Variants in RBFOX3 observed in about 807,000 individuals in gnomAD.
RBFOX3 encodes the protein RNA binding fox-1 homolog 3.
Under a neutral mutation model 48.7 loss-of-function variants are expected in RBFOX3, and 17 were observed. The ratio of observed to expected loss-of-function variants is 0.35; its 90% CI spans 0.24 to 0.52. The LOEUF (loss-of-function observed/expected upper bound fraction) is 0.52. RBFOX3 is among the 20% of genes least tolerant of loss of function. RBFOX3 has a pLI of 0.94. For missense variants in RBFOX3, 382 were observed against 497.5 expected, an observed-to-expected ratio of 0.77 and a Z score of 2.21; for synonymous variants, 212 against 209.5, an observed-to-expected ratio of 1.01 and a Z score of -0.10.
intron 2 of RBFOX3, among the ~76,000 whole-genome samples, chr17:79,320,487 G>C (rs2078347521): frequency 6.6e-6 from 1 of 152,246 alleles, no homozygotes; most frequent in African/African-American, 2.4e-5. Context: ...TTTTGGTTCT[G>C]TGAGGATCAG....
At chr17:79,145,030 G>T (rs910882882) in intron 4 of RBFOX3, among the ~76,000 whole-genome samples, 2 of 152,218 alleles carry the variant, frequency 1.3e-5, no homozygotes, top group South Asian at 2.1e-4. Context: ...TCTCAGCAGG[G>T]ACTGGCACTG....
At chr17:79,491,781 T>A (rs2080704463) in intron 1 of RBFOX3, among the ~76,000 whole-genome samples, 2 of 152,114 alleles carry the variant, frequency 1.3e-5, no homozygotes, top group African/African-American at 4.8e-5. Flanking sequence ...CCTTTTCCTA[T>A]GTTAAAAATG....
chr17:79,651,333 G>C, the RBFOX3 span, among the ~76,000 whole-genome samples: 1 of 152,194 alleles, frequency 6.6e-6, no homozygotes, highest in Non-Finnish European at 1.5e-5. Flanking sequence ...GGGAAAGACA[G>C]ACAGCGCCAG....
chr17:79,377,519 C>A (rs1270528200), intron 2 of RBFOX3, among the ~76,000 whole-genome samples: 6 of 152,230 alleles, frequency 3.9e-5, no homozygotes, highest in Non-Finnish European at 8.8e-5. Context: ...ATCCTCCTGA[C>A]AGCTCCATCG....
intron 4 of RBFOX3, among the ~76,000 whole-genome samples, chr17:79,153,396 T>A (rs577855907): frequency 6.6e-6 from 1 of 152,346 alleles, no homozygotes; most frequent in East Asian, 1.9e-4. Context: ...TAGAAAATTC[T>A]CTCCACGAGA....
intron 3 of RBFOX3, among the ~76,000 whole-genome samples, chr17:79,306,799 C>T (rs1052616371): frequency 3.9e-5 from 6 of 152,230 alleles, no homozygotes; most frequent in East Asian, 1.9e-4. Flanking sequence ...CCCAGCTCCA[C>T]GGGCACCTGG....
In RBFOX3 at chr17:79,378,190, G is replaced by A. The variant is rs373220369; in HGVS notation, c.-174-70366C>T. Among the ~76,000 whole-genome samples the A allele has an allele frequency of 1.1e-4, 16 of 152,078 alleles. No homozygotes were observed. In the East Asian group the frequency reaches 1.2e-3, roughly 11 times the overall value. ...CGAGCCCAGAGCCCTGGAAAGCACC[G>A]AGCCTCCCCGTAGGGGCTTAGCCCT... On this transcript the variant is annotated intron_variant, in intron 2 of 14. Transcript: ENST00000693108.
chr17:79,147,211 G>C (rs1325846463), intron 4 of RBFOX3, among the ~76,000 whole-genome samples: 3 of 152,344 alleles, frequency 2.0e-5, no homozygotes, highest in South Asian at 2.1e-4. Flanking sequence ...GGACACTGTG[G>C]TCACAGGAGG....
At position 79,391,384 on chromosome 17, in the gene RBFOX3, C is replaced by T. The variant is rs982759254; in HGVS notation, c.-174-83560G>A. Among the ~76,000 whole-genome samples, 2 of 152,168 alleles carry T rather than the reference C, an allele frequency of 1.3e-5. No individual in the cohort carries two copies. The highest frequency in any genetic ancestry group is 2.4e-5 in the African/African-American group (1 of 41,426). ...GTTCAAGCTTCAGCTCTCCTTCCCA[C>T]GATTGGTGAACACTCGGGCAGGTTA... is the stretch of plus-strand genomic sequence containing the variant. On this transcript the variant is annotated intron_variant, in intron 2 of 14. Transcript: ENST00000693108. The surrounding 1 kb of genome is among the most constrained non-coding windows in gnomAD (Gnocchi z 5.0).
At chr17:79,336,006 C>T (rs1017554741) in intron 2 of RBFOX3, among the ~76,000 whole-genome samples, 21 of 152,332 alleles carry the variant, frequency 1.4e-4, no homozygotes, top group East Asian at 5.8e-4. Flanking sequence ...TCGTAGACAC[C>T]GCCCTCCCTC....
At chr17:79,545,552 T>C (rs1555791641) in intron 1 of RBFOX3, among the ~76,000 whole-genome samples, 2 of 152,214 alleles carry the variant, frequency 1.3e-5, no homozygotes, top group African/African-American at 4.8e-5. Flanking sequence ...CCTGACTTGG[T>C]GTCCCAGGCT....
intron 4 of RBFOX3, among the ~76,000 whole-genome samples, chr17:79,194,754 GT>G (rs1326844052): frequency 7.5e-3 from 56 of 7,418 alleles, no homozygotes; most frequent in Admixed American, 0.038. Flanking sequence ...GTGTGTGTGG[GT>G]GTGTGTGTGT....
chr17:79,568,466 A>T (rs1423551631), intron 1 of RBFOX3, among the ~76,000 whole-genome samples: 16 of 150,108 alleles, frequency 1.1e-4, no homozygotes, highest in Admixed American at 5.3e-4. Context: ...ATTCCAAAAT[A>T]AAAAAAAAAT....
chr17:79,310,865 T>C (rs941082678), intron 2 of RBFOX3, among the ~76,000 whole-genome samples: 1 of 152,196 alleles, frequency 6.6e-6, no homozygotes, highest in African/African-American at 2.4e-5. Flanking sequence ...TCATCAGCTC[T>C]TGGGGTCTCG....
intron 4 of RBFOX3, among the ~76,000 whole-genome samples, chr17:79,127,619 C>T (rs1415356062): frequency 6.6e-6 from 1 of 152,120 alleles, no homozygotes. Flanking sequence ...GCCCAGGTGC[C>T]CCCGACCGGC....
At chr17:79,644,951 T>C in the RBFOX3 span, among the ~76,000 whole-genome samples, 32 of 152,246 alleles carry the variant, frequency 2.1e-4, no homozygotes, top group Non-Finnish European at 3.2e-4. Flanking sequence ...ATGGCAACTT[T>C]ATTCTTCCAA....
chr17:79,386,438 A>T (rs575155454), intron 2 of RBFOX3, among the ~76,000 whole-genome samples: 1 of 152,240 alleles, frequency 6.6e-6, no homozygotes, highest in Non-Finnish European at 1.5e-5. Context: ...GGGAAACTCA[A>T]TAAGAGCCAG....
rs557073774 is a variant in RBFOX3 at position 79,096,079 on chromosome 17, G to A, written c.937-505C>T. 2.9e-3 allele frequency among the ~76,000 whole-genome samples: 448 copies of A among 152,332 alleles called. 1 individual carries two copies. Among genetic ancestry groups the A allele is most frequent in the Non-Finnish European group, 5.4e-3 (364 of 68,026 alleles). ...ACAAGAGGACGTGAGCTCAGATGAT[G>A]TCCTGGCCTCAAATGGGCAGGTAAC... On this transcript the variant is annotated intron_variant, in intron 12 of 14. Transcript: ENST00000693108.
chr17:79,331,957 T>C lies in RBFOX3; in HGVS notation c.-174-24133A>G, dbSNP rs144660480. Among the ~76,000 whole-genome samples the C allele has an allele frequency of 3.8e-3, 583 of 152,356 alleles. 4 individuals are homozygous for C. Among genetic ancestry groups the C allele is most frequent in the African/African-American group, 0.013 (560 of 41,586 alleles). On this transcript the variant is annotated intron_variant, in intron 2 of 14. Coordinates refer to ENST00000693108, the MANE Select transcript of RBFOX3 (RefSeq NM_001350451.2). Reference sequence around the variant, plus strand: ...CTTGGTAGAGACGTGCACCCCACGATGACAGTCACTTCCTGCTGCTCTAGA... The same window carrying C: ...CTTGGTAGAGACGTGCACCCCACGACGACAGTCACTTCCTGCTGCTCTAGA...
Sources: allele counts gnomAD v4.1 joint callset (sites outside exome capture counted in the v4.1 genomes callset), GRCh38; gene constraint gnomAD v4.1.1; non-coding constraint Gnocchi (gnomAD v3.1); transcripts MANE v1.5; gene names NCBI Gene and HGNC (gene_info 2026-07-23, HGNC 2026-07-21).